Variants in RBM27 observed in about 807,000 individuals in gnomAD.
RBM27 encodes the protein RNA-binding protein 27.
Under a neutral mutation model 135.3 loss-of-function variants are expected in RBM27, and 22 were observed. The observed-to-expected ratio is 0.16, with a 90% CI of 0.12 to 0.23. RBM27 has a LOEUF of 0.23. Among genes scored for constraint, RBM27 ranks in the 10% least tolerant of loss-of-function variants. The pLI is 1.00. For synonymous variants in RBM27, 481 were observed against 442.4 expected (o/e 1.09, Z -1.10); for missense variants, 1,009 against 1,281.0 (o/e 0.79, Z 3.24).
intron 8 of RBM27, among the ~76,000 whole-genome samples, chr5:146,243,028 G>C (rs1270067468): frequency 2.0e-5 from 3 of 152,114 alleles, no homozygotes; most frequent in Non-Finnish European, 4.4e-5. Context: ...CACTTTGAGA[G>C]GCTAAGGCAG....
intron 8 of RBM27, among the ~76,000 whole-genome samples, chr5:146,248,924 A>T (rs1757756260): frequency 6.6e-6 from 1 of 152,256 alleles, no homozygotes; most frequent in African/African-American, 2.4e-5. Flanking sequence ...TAAAGTAGTC[A>T]TATGGACTAA....
intron 3 of RBM27, among the ~76,000 whole-genome samples, chr5:146,224,528 A>T (rs1756584424): frequency 6.6e-6 from 1 of 152,092 alleles, no homozygotes; most frequent in Non-Finnish European, 1.5e-5. Flanking sequence ...TAAAAATACA[A>T]AATATTAGTT....
intron 3 of RBM27, among the ~76,000 whole-genome samples, chr5:146,225,600 C>G (rs1165283745): frequency 1.3e-5 from 2 of 148,944 alleles, no homozygotes; most frequent in Non-Finnish European, 3.0e-5. Context: ...GGAGTCCGCT[C>G]CATCGCCCAG....
chr5:146,243,288 T>C (rs1456036145), intron 8 of RBM27, among the ~76,000 whole-genome samples: 1 of 152,106 alleles, frequency 6.6e-6, no homozygotes. Flanking sequence ...TAAAATAAAG[T>C]AAAATAAAAT....
chr5:146,211,611 A>C (rs1212221179), intron 1 of RBM27, among the ~76,000 whole-genome samples: 1 of 151,212 alleles, frequency 6.6e-6, no homozygotes, highest in Non-Finnish European at 1.5e-5. Context: ...CCTCCTGAGT[A>C]GCTGGGATTA....
intron 19 of RBM27, among the ~76,000 whole-genome samples, chr5:146,274,452 G>T (rs1470253556): frequency 6.6e-6 from 1 of 152,060 alleles, no homozygotes; most frequent in Non-Finnish European, 1.5e-5. Flanking sequence ...TAGAGATGGG[G>T]TTTTGCCATG....
rs1755475536 is a variant in RBM27 at position 146,203,616 on chromosome 5, G to C, written c.-150G>C. 1 of 686,882 alleles carries C rather than the reference G, an allele frequency of 1.5e-6. No homozygotes were observed. The allele number at this position is 686,882 out of a possible 1,614,324, so 42.5% of individuals were successfully genotyped here. A position where few individuals can be genotyped will look rare whatever the true frequency, so the allele number is the denominator to read the frequency against. Reference sequence around the variant, plus strand: ...AGGGCTCTTGGGTTAGTTCCTGTTAGGCCCCGGCCGGGGGAGTAGGTTGAA... The same window carrying C: ...AGGGCTCTTGGGTTAGTTCCTGTTACGCCCCGGCCGGGGGAGTAGGTTGAA... On this transcript the variant is annotated 5_prime_UTR_variant, in exon 1 of 21. Transcript: ENST00000265271.
In RBM27 at chr5:146,273,643, G is replaced by A. The variant is rs115871328; in HGVS notation, c.2988+1969G>A. ...AATACATATTCTTAGGCATTATTGC[G>A]AATAGAGTTAGCAAACATAAAAGGA... On this transcript the variant is annotated intron_variant, in intron 19 of 20. Coordinates refer to ENST00000265271, the MANE Select transcript of RBM27 (RefSeq NM_018989.2). Among the ~76,000 whole-genome samples the A allele has an allele frequency of 3.2e-3, 487 of 152,220 alleles. 4 individuals carry two copies. The highest frequency in any genetic ancestry group is 0.011 in the African/African-American group (467 of 41,528).
At chr5:146,259,535 T>G (rs1467387350) in intron 11 of RBM27, among the ~76,000 whole-genome samples, 2 of 151,422 alleles carry the variant, frequency 1.3e-5, no homozygotes, top group Non-Finnish European at 1.5e-5. Flanking sequence ...AAAGGTGGTG[T>G]TCTAGCCTTC....
At chr5:146,251,592 T>A in intron 8 of RBM27, 119 bp from the exon 9 acceptor site, 1 of 939,276 alleles carries the variant, frequency 1.1e-6, no homozygotes, top group South Asian at 1.7e-5. Flanking sequence ...CTTTCTGTAC[T>A]TCTATTCCTG....
rs17104355 is a variant in RBM27, at chr5:146,270,002, C to T, written c.2691+418C>T. On this transcript the variant is annotated intron_variant, in intron 17 of 20. Transcript: ENST00000265271. ...TTTTGGTTCTCTGCTGAAGATGACA[C>T]TATTAAAGTGATGGTGGTGAAAGAG... Among the ~76,000 whole-genome samples the T allele has an allele frequency of 1.4e-3, 210 of 152,220 alleles. 5 individuals carry two copies. The East Asian group carries it at 0.032, about 23-fold the overall frequency.
intron 1 of RBM27, among the ~76,000 whole-genome samples, chr5:146,210,946 CA>C (rs201750144): frequency 0.011 from 1,153 of 108,434 alleles, 15 homozygotes; most frequent in East Asian, 0.056. Context: ...GACTCCGTCT[CA>C]AAAAAAAAAA....
rs189792929 is a variant in RBM27 at position 146,276,903 on chromosome 5, A to T, written c.2988+5229A>T. Among the ~76,000 whole-genome samples, 4 of 152,294 alleles carry T rather than the reference A, an allele frequency of 2.6e-5. No homozygotes were observed. The East Asian group carries it at 7.7e-4, about 29-fold the overall frequency. The stretch of plus-strand genomic sequence containing the variant: ...GACCCTATCTTTACAAAACAACTTA[A>T]ATTAAATTTAAAAGGTAATATGGGT... On this transcript the variant is annotated intron_variant, in intron 19 of 20. Coordinates refer to ENST00000265271, the MANE Select transcript of RBM27 (RefSeq NM_018989.2).
chr5:146,249,698 AAAAG>A (rs1757797157), intron 8 of RBM27, among the ~76,000 whole-genome samples: 2 of 146,514 alleles, frequency 1.4e-5, no homozygotes, highest in African/African-American at 4.8e-5. Context: ...AAAAAAAAAA[AAAAG>A]AAAAAGTAAA....
intron 8 of RBM27, among the ~76,000 whole-genome samples, chr5:146,246,278 A>G (rs1210202688): frequency 6.6e-6 from 1 of 152,160 alleles, no homozygotes; most frequent in Non-Finnish European, 1.5e-5. Flanking sequence ...AATCAGGAAA[A>G]TTATACAGAG....
chr5:146,265,934 GA>G (rs904454197), intron 14 of RBM27, among the ~76,000 whole-genome samples: 70 of 151,784 alleles, frequency 4.6e-4, no homozygotes, highest in African/African-American at 1.6e-3. Context: ...TCTTAAGCGG[GA>G]AAAAAAAGGC....
At chr5:146,239,488 T>C (rs1037736306) in intron 8 of RBM27, among the ~76,000 whole-genome samples, 1 of 145,892 alleles carries the variant, frequency 6.9e-6, no homozygotes, top group African/African-American at 2.6e-5. Context: ...TTTTTTTTTT[T>C]TTTTTTTGAG....
intron 19 of RBM27, among the ~76,000 whole-genome samples, chr5:146,275,419 C>T (rs1335743871): frequency 2.1e-4 from 32 of 151,762 alleles, no homozygotes; most frequent in Non-Finnish European, 7.4e-5. Flanking sequence ...TACAGGCGTA[C>T]ACCTCCTGGC....
Position 146,229,881 on chromosome 5 carries a change from G to T in RBM27, c.560G>T (p.Ser187Ile). The T allele has an allele frequency of 6.2e-7, 1 of 1,613,942 alleles. No homozygotes were observed. Among genetic ancestry groups the T allele is most frequent in the Non-Finnish European group, 8.5e-7 (1 of 1,179,894 alleles). ...AGTAGAAGCCGAAGTAGGGGGCGCAGCAAAGACCGGGATCCAAATAGGAAT... is the reference window on the plus strand; with the variant it reads ...AGTAGAAGCCGAAGTAGGGGGCGCATCAAAGACCGGGATCCAAATAGGAAT... ...SRSRSRSRGR[S>I]KDRDPNRNVE... Residue 187 changes from serine (S) to isoleucine (I), a missense_variant, in exon 5 of 21, where the codon AGC (serine) becomes ATC (isoleucine). Ser to Ile is a moderately radical substitution (Grantham distance 142, BLOSUM62 -2). This residue lies in a region of RBM27 where 268 missense variants were observed against 326.6 expected (regional missense o/e 0.82). Coordinates refer to ENST00000265271, the MANE Select transcript of RBM27 (RefSeq NM_018989.2).
Sources: allele counts gnomAD v4.1 joint callset (sites outside exome capture counted in the v4.1 genomes callset), GRCh38; gene constraint gnomAD v4.1.1; regional missense constraint gnomAD v4.1.1; transcripts MANE v1.5; gene names NCBI Gene and HGNC (gene_info 2026-07-23, HGNC 2026-07-21).